RASEF: variants seen among roughly 807,000 people sequenced by gnomAD.
RASEF encodes ras and EF-hand domain-containing protein.
A neutral mutation model predicts 90.1 loss-of-function variants in RASEF; 68 were observed. The ratio of observed to expected loss-of-function variants is 0.75; its 90% CI spans 0.62 to 0.92. The LOEUF (loss-of-function observed/expected upper bound fraction) is 0.92, where lower values mean the gene tolerates loss of function less well. RASEF is among the 40% of genes least tolerant of loss of function. The pLI, the probability that RASEF is intolerant of heterozygous loss-of-function variation, is 0.00. For missense variants in RASEF, 949 were observed against 937.2 expected (o/e 1.01, Z -0.16); for synonymous variants, 331 against 345.2 (o/e 0.96, Z 0.46).
At chr9:83,162,994 T>A in the RASEF span, among the ~76,000 whole-genome samples, 4 of 152,200 alleles carry the variant, frequency 2.6e-5, no homozygotes, top group East Asian at 7.7e-4. Flanking sequence ...CATTTTGAAA[T>A]ATGCCAGTGT....
At position 83,009,739 on chromosome 9, in the gene RASEF, C is replaced by A. The variant is rs748403225; in HGVS notation, c.861G>T (p.Lys287Asn). The A allele has an allele frequency of 6.2e-7, 1 of 1,611,668 alleles. No homozygotes were observed. The highest frequency in any genetic ancestry group is 8.5e-7 in the Non-Finnish European group (1 of 1,177,974). ...YDLSMENQKV[K>N]KDLLEAQTNI... ...TTGTCTGTGCTTCTAAAAGGTCTTT[C>A]TTAACTTTCTGGTTTTCCTGGATAA... The change falls in exon 6 of 17, where the codon AAG becomes AAT. Residue 287 changes from lysine (K) to asparagine (N), a missense_variant. Physicochemically the swap from Lys to Asn is moderately conservative, Grantham distance 94 (BLOSUM62 0). Around this residue, in one of 3 missense-constraint regions of RASEF, gnomAD observed 656 missense variants for 592.2 expected, o/e 1.11. Transcript: ENST00000376447.
the RASEF span, among the ~76,000 whole-genome samples, chr9:83,119,460 C>T: frequency 6.6e-6 from 1 of 152,152 alleles, no homozygotes; most frequent in Non-Finnish European, 1.5e-5. Context: ...AAGTAATGTG[C>T]TTTACCAATG....
chr9:83,150,984 T>A, the RASEF span, among the ~76,000 whole-genome samples: 53 of 152,184 alleles, frequency 3.5e-4, no homozygotes, highest in Non-Finnish European at 6.2e-4. Context: ...TTAATTTCCA[T>A]GTAGAATACC....
chr9:83,101,521 G>A, the RASEF span, among the ~76,000 whole-genome samples: 1 of 152,176 alleles, frequency 6.6e-6, no homozygotes, highest in Non-Finnish European at 1.5e-5. Flanking sequence ...ATTTTTCCAT[G>A]GTGGAAAGCC....
the RASEF span, among the ~76,000 whole-genome samples, chr9:83,136,658 T>C: frequency 1.3e-5 from 2 of 152,150 alleles, no homozygotes; most frequent in Non-Finnish European, 2.9e-5. Context: ...CCAGAGTTTA[T>C]TTCACATATT....
chr9:83,132,523 C>T, the RASEF span, among the ~76,000 whole-genome samples: 1 of 152,268 alleles, frequency 6.6e-6, no homozygotes, highest in African/African-American at 2.4e-5. Flanking sequence ...TTGTCTTATG[C>T]CTCTAAGTTT....
the RASEF span, among the ~76,000 whole-genome samples, chr9:83,177,251 T>A: frequency 6.6e-6 from 1 of 152,186 alleles, no homozygotes; most frequent in South Asian, 2.1e-4. Flanking sequence ...ACTAGGTTGG[T>A]ACAAAAGTAA....
At chr9:83,035,559 G>T (rs73469470) in intron 1 of RASEF, among the ~76,000 whole-genome samples, 3,539 of 152,242 alleles carry the variant, frequency 0.023, 134 homozygotes, top group African/African-American at 0.08. Context: ...GTGTGTACAT[G>T]TATATGTAAG....
chr9:83,062,344 G>T (rs944087846), intron 1 of RASEF, 93 bp downstream of exon 1: 22 of 1,205,804 alleles, frequency 1.8e-5, no homozygotes, highest in Non-Finnish European at 2.4e-5. Flanking sequence ...AGACTAGGGG[G>T]GGGGGCCATT....
At chr9:83,141,850 T>C in the RASEF span, among the ~76,000 whole-genome samples, 1 of 151,948 alleles carries the variant, frequency 6.6e-6, no homozygotes, top group Non-Finnish European at 1.5e-5. Context: ...GAGCTAGGGG[T>C]TGGGAGTAGG....
intron 1 of RASEF, among the ~76,000 whole-genome samples, chr9:83,026,312 G>T: frequency 6.6e-6 from 1 of 152,130 alleles, no homozygotes; most frequent in East Asian, 1.9e-4. Flanking sequence ...CATAACAGTG[G>T]GTGTATTAGT....
chr9:83,186,659 C>T, the RASEF span, among the ~76,000 whole-genome samples: 2 of 152,028 alleles, frequency 1.3e-5, no homozygotes, highest in South Asian at 4.2e-4. Flanking sequence ...ACAATAGACT[C>T]ACACACAAAA....
rs143890681 is a variant in RASEF at position 83,010,433 on chromosome 9, G to A, written c.844-677C>T. ...GCACTTCTAGAAAGTGGAAACTGAT[G>A]GAAATGTGTTGCCAAAGGGAACAGA... On this transcript the variant is annotated intron_variant, in intron 5 of 16. Transcript: ENST00000376447. Among the ~76,000 whole-genome samples the A allele has an allele frequency of 1.4e-3, 216 of 152,234 alleles. 1 individual carries two copies. Among genetic ancestry groups the A allele is most frequent in the African/African-American group, 5.1e-3 (210 of 41,540 alleles).
chr9:83,126,810 T>G, the RASEF span, among the ~76,000 whole-genome samples: 1 of 152,228 alleles, frequency 6.6e-6, no homozygotes, highest in African/African-American at 2.4e-5. Flanking sequence ...AAACACAATT[T>G]TATTATCAAA....
At chr9:82,991,270 T>G (rs148697468) in intron 15 of RASEF, among the ~76,000 whole-genome samples, 3,377 of 152,284 alleles carry the variant, frequency 0.022, 60 homozygotes, top group Middle Eastern at 0.037. Flanking sequence ...ACTTTTGGGA[T>G]TTTTAGGTAA....
the RASEF span, among the ~76,000 whole-genome samples, chr9:83,096,482 G>A: frequency 2.0e-5 from 3 of 152,106 alleles, no homozygotes; most frequent in Admixed American, 2.0e-4. Flanking sequence ...CTGAGGGCTC[G>A]CAGATTAGTG....
chr9:83,208,136 G>A, the RASEF span, among the ~76,000 whole-genome samples: 1 of 152,154 alleles, frequency 6.6e-6, no homozygotes, highest in African/African-American at 2.4e-5. Context: ...GCAGCCTCTG[G>A]ATGGGGTCGT....
intron 1 of RASEF, chr9:83,055,241 C>A (rs1418910145): frequency 3.3e-6 from 1 of 304,090 alleles, no homozygotes; most frequent in Non-Finnish European, 6.4e-6. Context: ...GGGATATAGT[C>A]TTGTGGTGCG....
the RASEF span, among the ~76,000 whole-genome samples, chr9:83,072,351 T>G: frequency 1.3e-5 from 2 of 152,196 alleles, no homozygotes; most frequent in Non-Finnish European, 2.9e-5. Flanking sequence ...CTCTGTCCAG[T>G]ATCCTTTCCC....
Sources: gnomAD v4.1 joint callset for allele counts (sites outside exome capture counted in the v4.1 genomes callset) on GRCh38, gnomAD v4.1.1 for gene constraint, gnomAD v4.1.1 regional missense constraint, MANE v1.5 for transcripts, NCBI Gene and HGNC (gene_info 2026-07-23, HGNC 2026-07-21) for gene names.